The following RFX3 variants were observed in gnomAD, a reference collection of about 807,000 sequenced individuals.
RFX3 encodes the protein transcription factor RFX3.
A neutral mutation model predicts 98.6 loss-of-function variants in RFX3; 14 were observed. That is an observed-to-expected ratio of 0.14 (90% CI 0.09 to 0.22). RFX3 has a LOEUF of 0.22. Among genes scored for constraint, RFX3 ranks in the 10% least tolerant of loss-of-function variants. The pLI is 1.00. For missense variants in RFX3, 639 were observed against 926.9 expected (o/e 0.69, Z 4.03); for synonymous variants, 383 against 328.4 (o/e 1.17, Z -1.80).
chr9:3,507,048 A>G (rs1027161619), intron 1 of RFX3, among the ~76,000 whole-genome samples: 3 of 151,938 alleles, frequency 2.0e-5, no homozygotes, highest in Non-Finnish European at 4.4e-5. Flanking sequence ...TGTTTCTACT[A>G]GAAAAAGACA....
At chr9:3,228,760 G>T in intron 16 of RFX3, 87 bp downstream of exon 16, 2 of 1,026,944 alleles carry the variant, frequency 1.9e-6, no homozygotes, top group Non-Finnish European at 2.8e-6. Context: ...CAAAATCAGA[G>T]TGTTGTAAAC....
chr9:3,275,172 A>G (rs1825043136), intron 9 of RFX3, among the ~76,000 whole-genome samples: 1 of 151,924 alleles, frequency 6.6e-6, no homozygotes, highest in African/African-American at 2.4e-5. Flanking sequence ...TAATAATGCA[A>G]CAAATGCCCT....
intron 9 of RFX3, among the ~76,000 whole-genome samples, chr9:3,272,850 A>T (rs1333986313): frequency 6.6e-6 from 1 of 152,206 alleles, no homozygotes; most frequent in African/African-American, 2.4e-5. Context: ...ATCTTTGATA[A>T]ACAAATTGTG....
At chr9:3,388,547 A>C (rs1383807086) in intron 2 of RFX3, among the ~76,000 whole-genome samples, 1 of 152,106 alleles carries the variant, frequency 6.6e-6, no homozygotes, top group Non-Finnish European at 1.5e-5. Context: ...TTAATGACTC[A>C]GATTATGAAC....
rs1817265753 is a variant in RFX3, at chr9:3,220,186, T to C, written c.*4856A>G. 2 of 152,176 alleles carry C rather than the reference T, an allele frequency of 1.3e-5. No individual in the cohort carries two copies. The highest frequency in any genetic ancestry group is 2.9e-5 in the Non-Finnish European group (2 of 68,034). 9.4% of individuals were successfully genotyped at this position (152,176 alleles called of 1,614,324 possible). A position where few individuals can be genotyped will look rare whatever the true frequency, so the allele number is the denominator to read the frequency against. On this transcript the variant is annotated 3_prime_UTR_variant, in exon 17 of 17. Coordinates refer to ENST00000617270, the MANE Select transcript of RFX3 (RefSeq NM_001282116.2). ...TGCCCTGTGTGAAATTCGCAAACAA[T>C]ATTTTATGAGCGATCTAACTCCAAA...
In RFX3 at chr9:3,525,799, T is replaced by A. The variant is rs1819224953; in HGVS notation, c.-61A>T. ...TGGTGGGTGATGGAGATGGTGGTGG[T>A]GGGGAGGAGGAGGAGGAAGAGGAGG... On this transcript the variant is annotated 5_prime_UTR_variant, in exon 1 of 17. Coordinates refer to ENST00000617270, the MANE Select transcript of RFX3 (RefSeq NM_001282116.2). 3 of 627,590 alleles carry A rather than the reference T, an allele frequency of 4.8e-6. No individual in the cohort carries two copies. Among genetic ancestry groups the A allele is most frequent in the Non-Finnish European group, 6.0e-6 (3 of 503,920 alleles). The allele number at this position is 627,590 out of a possible 1,614,324, so 38.9% of individuals were successfully genotyped here.
intron 13 of RFX3, among the ~76,000 whole-genome samples, chr9:3,258,379 A>T (rs773429415): frequency 2.6e-5 from 4 of 152,142 alleles, no homozygotes; most frequent in Admixed American, 6.5e-5. Context: ...CTTCAACTGA[A>T]TAAATCCATT....
chr9:3,472,317 C>T (rs943339358), intron 1 of RFX3, among the ~76,000 whole-genome samples: 2 of 152,116 alleles, frequency 1.3e-5, no homozygotes, highest in African/African-American at 4.8e-5. Context: ...CCACTTACTA[C>T]TTAAATGACC....
intron 5 of RFX3, among the ~76,000 whole-genome samples, chr9:3,298,548 G>T (rs888624510): frequency 6.6e-6 from 1 of 151,782 alleles, no homozygotes. Context: ...GGATGCACTG[G>T]TGAACAAAAC....
chr9:3,452,733 T>A (rs1846773652), intron 1 of RFX3, among the ~76,000 whole-genome samples: 1 of 152,246 alleles, frequency 6.6e-6, no homozygotes, highest in Non-Finnish European at 1.5e-5. Context: ...TATTTTTTAC[T>A]ATGTGTATGC....
intron 2 of RFX3, among the ~76,000 whole-genome samples, chr9:3,373,427 C>T (rs911132509): frequency 1.3e-5 from 2 of 152,120 alleles, no homozygotes; most frequent in African/African-American, 4.8e-5. Flanking sequence ...TATTAGAGAT[C>T]TTTAAAGATT....
chr9:3,273,338 G>T lies in RFX3; in HGVS notation c.1086+2162C>A, dbSNP rs369121444. On this transcript the variant is annotated intron_variant, in intron 9 of 16. Coordinates refer to ENST00000617270, the MANE Select transcript of RFX3 (RefSeq NM_001282116.2). ...ACACTGGTAATTCTGAAATAAATGG[G>T]GATCATTCTGTGGACTGCCATTTTC... is the stretch of plus-strand genomic sequence containing the variant. Among the ~76,000 whole-genome samples, 9 of 152,028 alleles carry T rather than the reference G, an allele frequency of 5.9e-5. No homozygotes were observed. In the East Asian group the frequency reaches 1.7e-3, roughly 29 times the overall value.
At chr9:3,317,590 G>A (rs1257591216) in intron 4 of RFX3, among the ~76,000 whole-genome samples, 2 of 152,166 alleles carry the variant, frequency 1.3e-5, no homozygotes, top group African/African-American at 2.4e-5. Flanking sequence ...ACAACCTACA[G>A]AATGGGAGAA....
chr9:3,253,909 T>C (rs1050029190), intron 14 of RFX3, among the ~76,000 whole-genome samples: 1 of 152,168 alleles, frequency 6.6e-6, no homozygotes, highest in Non-Finnish European at 1.5e-5. Flanking sequence ...TATGTTCTTA[T>C]GTCTCAGTAA....
At chr9:3,314,853 G>C (rs570206745) in intron 4 of RFX3, among the ~76,000 whole-genome samples, 1 of 152,074 alleles carries the variant, frequency 6.6e-6, no homozygotes, top group African/African-American at 2.4e-5. Flanking sequence ...ACCCAAAATA[G>C]GAGCACCCAG....
chr9:3,515,243 A>T (rs899267533), intron 1 of RFX3, among the ~76,000 whole-genome samples: 1 of 152,220 alleles, frequency 6.6e-6, no homozygotes, highest in African/African-American at 2.4e-5. Context: ...ACTAAATCAA[A>T]ATTCAGGTTC....
chr9:3,371,710 T>C (rs984972412), intron 2 of RFX3, among the ~76,000 whole-genome samples: 1 of 152,060 alleles, frequency 6.6e-6, no homozygotes, highest in African/African-American at 2.4e-5. Context: ...GATTGAGAAA[T>C]GGCATAACAA....
chr9:3,366,690 TTTCCTTTCTTTCTTTC>T (rs1227805261), intron 2 of RFX3, among the ~76,000 whole-genome samples: 37 of 127,282 alleles, frequency 2.9e-4, no homozygotes, highest in Non-Finnish European at 4.7e-4. Flanking sequence ...TTCTTCTTTC[TTTCCTTTCTTTCTTTC>T]TTTCTTTCTT....
intron 15 of RFX3, among the ~76,000 whole-genome samples, chr9:3,242,368 T>C (rs1419066338): frequency 6.6e-6 from 1 of 152,044 alleles, no homozygotes; most frequent in African/African-American, 2.4e-5. Context: ...TTGACAAGTA[T>C]TCCTTACATT....
Sources: allele counts gnomAD v4.1 joint callset (sites outside exome capture counted in the v4.1 genomes callset), GRCh38; gene constraint gnomAD v4.1.1; transcripts MANE v1.5; gene names NCBI Gene and HGNC (gene_info 2026-07-23, HGNC 2026-07-21).